The following A1CF variants were observed in gnomAD, a reference collection of about 807,000 sequenced individuals.
A1CF encodes the protein APOBEC1 complementation factor, also known as APOBEC-1 stimulating protein.
A neutral mutation model predicts 68.9 loss-of-function variants in A1CF; 48 were observed. The observed-to-expected ratio is 0.70, with a 90% CI of 0.55 to 0.89. The LOEUF is 0.89. A1CF is among the 40% of genes least tolerant of loss of function. The probability of loss-of-function intolerance (pLI) is 0.00; values close to 1 mark genes in which losing one functional copy is unlikely to be tolerated. For missense variants in A1CF, 653 were observed against 718.9 expected (o/e 0.91, Z 1.05); for synonymous variants, 272 against 260.4 (o/e 1.04, Z -0.43).
chr10:50,806,808 T>A lies in A1CF; in HGVS notation c.1682A>T (p.Asp561Val). 1 of 1,613,738 alleles carries A rather than the reference T, an allele frequency of 6.2e-7. No homozygotes were observed. Among genetic ancestry groups the A allele is most frequent in the Non-Finnish European group, 8.5e-7 (1 of 1,179,768 alleles). ...QLKQAVTLGQ[D>V]LAAYTTYEVY... ...CTCATAGGTTGTATATGCTGCTAAG[T>A]CTTGTCCAAGGGTTACCGCTTGCTT... is the stretch of plus-strand genomic sequence containing the variant. The change falls in exon 13 of 13, where the codon GAC becomes GTC. Residue 561 changes from aspartate (D) to valine (V), a missense_variant. Asp to Val is a radical substitution (Grantham distance 152). Coordinates refer to ENST00000373997, the MANE Select transcript of A1CF (RefSeq NM_014576.4).
intron 1 of A1CF, among the ~76,000 whole-genome samples, chr10:50,870,224 T>A (rs958081315): frequency 6.6e-6 from 1 of 151,930 alleles, no homozygotes; most frequent in Non-Finnish European, 1.5e-5. Flanking sequence ...CGATAGTCTG[T>A]TTATTATTAA....
Position 50,843,982 on chromosome 10 carries a change from A to T in A1CF, c.234+6T>A, listed in dbSNP as rs780232566. ...AAGAAAAATTAAATGTTAAATTTGGACTCACTTTTTCACATAATGGTATAA... is the reference window on the plus strand; with the variant it reads ...AAGAAAAATTAAATGTTAAATTTGGTCTCACTTTTTCACATAATGGTATAA... On this transcript the variant is annotated splice_donor_region_variant and intron_variant, in intron 4 of 12. Coordinates refer to ENST00000373997, the MANE Select transcript of A1CF (RefSeq NM_014576.4). The T allele has an allele frequency of 3.7e-6, 6 of 1,612,388 alleles. No homozygotes were observed. In the South Asian group the frequency reaches 6.6e-5, roughly 18 times the overall value.
chr10:50,877,861 G>A (rs944780788), intron 1 of A1CF, among the ~76,000 whole-genome samples: 1 of 152,158 alleles, frequency 6.6e-6, no homozygotes, highest in South Asian at 2.1e-4. Context: ...CGTGGCTCAC[G>A]CCTGTAATCC....
At chr10:50,845,089 T>C (rs1839939047) in intron 3 of A1CF, among the ~76,000 whole-genome samples, 1 of 152,194 alleles carries the variant, frequency 6.6e-6, no homozygotes, top group Admixed American at 6.5e-5. Context: ...TAAAAAGATA[T>C]CATATGAGTC....
Position 50,843,983 on chromosome 10 carries a change from C to T in A1CF, c.234+5G>A. ...AGAAAAATTAAATGTTAAATTTGGACTCACTTTTTCACATAATGGTATAAG... is the reference window on the plus strand; with the variant it reads ...AGAAAAATTAAATGTTAAATTTGGATTCACTTTTTCACATAATGGTATAAG... On this transcript the variant is annotated splice_donor_5th_base_variant and intron_variant, in intron 4 of 12. Transcript: ENST00000373997. 6.2e-7 allele frequency: 1 copy of T among 1,612,130 alleles called. No individual in the cohort carries two copies. The highest frequency in any genetic ancestry group is 8.5e-7 in the Non-Finnish European group (1 of 1,179,250).
chr10:50,808,647 C>T (rs189914535), intron 12 of A1CF, among the ~76,000 whole-genome samples: 5 of 152,202 alleles, frequency 3.3e-5, no homozygotes, highest in Admixed American at 1.3e-4. Flanking sequence ...TGGTAACCTC[C>T]GAGGGACTCA....
intron 10 of A1CF, among the ~76,000 whole-genome samples, chr10:50,811,687 AG>A (rs1289506203): frequency 6.6e-6 from 1 of 152,234 alleles, no homozygotes; most frequent in African/African-American, 2.4e-5. Flanking sequence ...GAGTGTTCCT[AG>A]ATGGGTGTTG....
intron 1 of A1CF, among the ~76,000 whole-genome samples, chr10:50,885,270 A>T (rs1478790630): frequency 6.6e-6 from 1 of 151,760 alleles, no homozygotes; most frequent in Non-Finnish European, 1.5e-5. Flanking sequence ...CTCAACCACA[A>T]CTCTCCCTGC....
chr10:50,815,552 T>C (rs1265933320), intron 9 of A1CF, among the ~76,000 whole-genome samples: 2 of 152,214 alleles, frequency 1.3e-5, no homozygotes, highest in Non-Finnish European at 2.9e-5. Flanking sequence ...ATTTACATAT[T>C]AAGACAATGC....
chr10:50,867,281 C>T (rs1841037865), intron 1 of A1CF, among the ~76,000 whole-genome samples: 1 of 151,848 alleles, frequency 6.6e-6, no homozygotes, highest in Admixed American at 6.6e-5. Flanking sequence ...AAGTATCCAT[C>T]AACAATTGGA....
Position 50,828,313 on chromosome 10 carries a change from C to A in A1CF, c.605-18G>T. On this transcript the variant is annotated intron_variant, in intron 6 of 12. Transcript: ENST00000373997. ...AATTCTTCCTGTTGAAAATGATCAC[C>A]ATTATGATTAATTATGTAGGAATCA... 1.3e-6 allele frequency: 2 copies of A among 1,511,722 alleles called. No homozygotes were observed. The highest frequency in any genetic ancestry group is 1.3e-5 in the South Asian group (1 of 74,936). 93.6% of individuals were successfully genotyped at this position (1,511,722 alleles called of 1,614,324 possible).
rs541816444 is a variant in A1CF, at chr10:50,832,079, A to C, written c.605-3784T>G. Among the ~76,000 whole-genome samples, 4 of 152,330 alleles carry C rather than the reference A, an allele frequency of 2.6e-5. No homozygotes were observed. The South Asian group carries it at 8.3e-4, about 32-fold the overall frequency. On this transcript the variant is annotated intron_variant, in intron 6 of 12. Transcript: ENST00000373997. ...CCATACTGGGTATGTATTCACCCCA[A>C]ATGAAATCATTATGTTAAAGAGATT... is the stretch of plus-strand genomic sequence containing the variant.
intron 7 of A1CF, chr10:50,822,754 A>C (rs1024096214): frequency 1.3e-5 from 2 of 152,238 alleles, no homozygotes; most frequent in African/African-American, 4.8e-5. Flanking sequence ...TCAGTGTCAC[A>C]TGGGGTGATG....
rs148896789 is a variant in A1CF at position 50,852,655 on chromosome 10, T to C, written c.99+7187A>G. On this transcript the variant is annotated intron_variant, in intron 3 of 12. Coordinates refer to ENST00000373997, the MANE Select transcript of A1CF (RefSeq NM_014576.4). ...TGAAAACAGGCAATAGAGGAAAAAG[T>C]AGGACCCAGGAGCTATATTTTGCCA... Among the ~76,000 whole-genome samples, 167 of 152,270 alleles carry C rather than the reference T, an allele frequency of 1.1e-3. 1 individual carries two copies. Among genetic ancestry groups the C allele is most frequent in the African/African-American group, 3.9e-3 (161 of 41,562 alleles).
intron 3 of A1CF, among the ~76,000 whole-genome samples, chr10:50,845,244 C>T (rs545755885): frequency 2.0e-5 from 3 of 152,034 alleles, no homozygotes; most frequent in Admixed American, 1.3e-4. Flanking sequence ...TTTGATATCA[C>T]TGAGAAATCT....
At position 50,863,793 on chromosome 10, in the gene A1CF, T is replaced by A. The variant is rs1410651764; in HGVS notation, c.-46+240A>T. Among the ~76,000 whole-genome samples, 4 of 152,140 alleles carry A rather than the reference T, an allele frequency of 2.6e-5. No individual in the cohort carries two copies. In the East Asian group the frequency reaches 7.7e-4, roughly 29 times the overall value. ...GGTACAAAATACAGTGAGACAGAAG[T>A]TCTACTATTTGATAGTATAGTAGGG... On this transcript the variant is annotated intron_variant, in intron 2 of 12. Coordinates refer to ENST00000373997, the MANE Select transcript of A1CF (RefSeq NM_014576.4).
At chr10:50,848,028 AAAC>A (rs1489990380) in intron 3 of A1CF, among the ~76,000 whole-genome samples, 4 of 152,144 alleles carry the variant, frequency 2.6e-5, no homozygotes, top group Admixed American at 6.6e-5. Flanking sequence ...TGACAGCAAA[AAAC>A]AACAACTATC....
chr10:50,813,800 T>C (rs1838234065), intron 10 of A1CF, 57 bp downstream of exon 10: 2 of 1,554,586 alleles, frequency 1.3e-6, no homozygotes, highest in Non-Finnish European at 1.8e-6. Context: ...TTGATAAAAG[T>C]GAATGATGCT....
At chr10:50,809,287 CTCTG>C (rs573044345) in intron 12 of A1CF, among the ~76,000 whole-genome samples, 113 of 152,304 alleles carry the variant, frequency 7.4e-4, no homozygotes, top group African/African-American at 2.6e-3. Flanking sequence ...TTGAAAGGAT[CTCTG>C]TCTGTCTCTC....
Sources: gnomAD v4.1 joint callset for allele counts (sites outside exome capture counted in the v4.1 genomes callset) on GRCh38, gnomAD v4.1.1 for gene constraint, MANE v1.5 for transcripts, NCBI Gene and HGNC (gene_info 2026-07-23, HGNC 2026-07-21) for gene names.